The following FN3KRP variants were observed in gnomAD, a reference collection of about 807,000 sequenced individuals.
FN3KRP encodes the protein ketosamine-3-kinase.
A neutral mutation model predicts 29.8 loss-of-function variants in FN3KRP; 33 were observed. That is an observed-to-expected ratio of 1.11 (90% CI 0.84 to 1.48). FN3KRP has a LOEUF of 1.48. Ranked by LOEUF, FN3KRP falls within the 40% of genes most tolerant of loss-of-function variation. The probability of loss-of-function intolerance (pLI) is 0.00; values close to 1 mark genes in which losing one functional copy is unlikely to be tolerated. For synonymous variants in FN3KRP, 157 were observed against 155.2 expected (o/e 1.01, Z -0.09); for missense variants, 430 against 402.6 (o/e 1.07, Z -0.58).
chr17:82,724,747 G>C (rs2046824996), intron 4 of FN3KRP, among the ~76,000 whole-genome samples: 1 of 152,216 alleles, frequency 6.6e-6, no homozygotes, highest in Admixed American at 6.5e-5. Flanking sequence ...ATGGCACCCT[G>C]TGATGTGAGT....
In FN3KRP at chr17:82,716,744, C is replaced by G. The variant is rs749066225; in HGVS notation, c.-12C>G. The stretch of plus-strand genomic sequence containing the variant: ...GCCAGATCCGGGGCGGGTCCGCGGC[C>G]GCGGCGGGAACATGGAGGAGCTCCT... On this transcript the variant is annotated 5_prime_UTR_variant, in exon 1 of 6. Transcript: ENST00000269373. The G allele has an allele frequency of 1.6e-5, 23 of 1,482,642 alleles. 1 individual carries two copies. The highest frequency in any genetic ancestry group is 1.8e-5 in the Non-Finnish European group (20 of 1,122,398). The allele number at this position is 1,482,642 out of a possible 1,614,324, so 91.8% of individuals were successfully genotyped here. A position where few individuals can be genotyped will look rare whatever the true frequency, so the allele number is the denominator to read the frequency against.
chr17:82,724,387 C>T lies in FN3KRP; in HGVS notation c.468+1501C>T, dbSNP rs147387048. The stretch of plus-strand genomic sequence containing the variant: ...TTGGGAGGCCGAGGCGGGCAGATCA[C>T]GTGAGGTAGAGTTTGAGACCAGCCT... On this transcript the variant is annotated intron_variant, in intron 4 of 5. Coordinates refer to ENST00000269373, the MANE Select transcript of FN3KRP (RefSeq NM_024619.4). Among the ~76,000 whole-genome samples the T allele has an allele frequency of 4.5e-3, 686 of 151,884 alleles. 4 individuals are homozygous for T. Among genetic ancestry groups the T allele is most frequent in the Middle Eastern group, 6.8e-3 (2 of 292 alleles).
chr17:82,726,037 G>A (rs538865473), intron 4 of FN3KRP, among the ~76,000 whole-genome samples: 118 of 152,204 alleles, frequency 7.8e-4, no homozygotes, highest in African/African-American at 2.7e-3. Context: ...AAAATTAGCC[G>A]GGCGTGGTGG....
chr17:82,726,357 A>G, intron 4 of FN3KRP, 123 bp from the exon 5 acceptor site: 1 of 1,246,498 alleles, frequency 8.0e-7, no homozygotes, highest in Non-Finnish European at 1.1e-6. Context: ...GGCTCCTGTG[A>G]CTGCCACCCC....
chr17:82,723,791 C>T (rs1056923124), intron 4 of FN3KRP, among the ~76,000 whole-genome samples: 20 of 151,906 alleles, frequency 1.3e-4, no homozygotes, highest in African/African-American at 4.4e-4. Context: ...GCACCTGTGA[C>T]CTGGATGTCC....
chr17:82,724,062 G>A (rs2046820330), intron 4 of FN3KRP, among the ~76,000 whole-genome samples: 1 of 152,122 alleles, frequency 6.6e-6, no homozygotes, highest in Non-Finnish European at 1.5e-5. Flanking sequence ...GGAGGCCGAG[G>A]TGGGAGGATT....
rs773293010 is a variant in FN3KRP at position 82,716,755 on chromosome 17, C to G, written c.-1C>G. 2 of 1,503,752 alleles carry G rather than the reference C, an allele frequency of 1.3e-6. No homozygotes were observed. Among genetic ancestry groups the G allele is most frequent in the Non-Finnish European group, 1.8e-6 (2 of 1,134,206 alleles). The allele number at this position is 1,503,752 out of a possible 1,614,324, so 93.2% of individuals were successfully genotyped here. A position where few individuals can be genotyped will look rare whatever the true frequency, so the allele number is the denominator to read the frequency against. ...GGCGGGTCCGCGGCCGCGGCGGGAACATGGAGGAGCTCCTGAGGCGCGAGC... is the reference window on the plus strand; with the variant it reads ...GGCGGGTCCGCGGCCGCGGCGGGAAGATGGAGGAGCTCCTGAGGCGCGAGC... On this transcript the variant is annotated 5_prime_UTR_variant, in exon 1 of 6. Transcript: ENST00000269373.
In FN3KRP at chr17:82,718,982, C is replaced by G. The variant is rs2046779092; in HGVS notation, c.218C>G (p.Pro73Arg). 1.9e-6 allele frequency: 3 copies of G among 1,614,152 alleles called. No individual in the cohort carries two copies. The highest frequency in any genetic ancestry group is 2.5e-6 in the Non-Finnish European group (3 of 1,180,018). ...LKTNTVKVPK[P>R]IKVLDAPGGG... ...ACAAACACGGTGAAAGTGCCCAAGC[C>G]CATCAAGGTTCTGGATGCCCCAGGC... The change falls in exon 2 of 6, where the codon CCC becomes CGC. Residue 73 changes from proline to arginine, a missense_variant. Pro to Arg is a moderately radical substitution (Grantham distance 103). Transcript: ENST00000269373.
Position 82,726,898 on chromosome 17 carries a change from G to T in FN3KRP, c.657G>T (p.Trp219Cys). Residue 219 changes from tryptophan to cysteine, a missense_variant, in exon 6 of 6, where the codon TGG (tryptophan) becomes TGT (cysteine). Transcript: ENST00000269373. ...IIPALLHGDL[W>C]GGNVAEDSSG... ...CAGCCTTACTCCACGGGGACCTCTG[G>T]GGTGGAAACGTAGCAGAGGATTCCT... 6.3e-7 allele frequency: 1 copy of T among 1,599,114 alleles called. No individual in the cohort carries two copies.
chr17:82,723,154 T>C (rs1356473795), intron 4 of FN3KRP, among the ~76,000 whole-genome samples: 2 of 152,218 alleles, frequency 1.3e-5, no homozygotes, highest in African/African-American at 4.8e-5. Context: ...TTAGGTATAC[T>C]AAACTCTCAA....
rs549358450 is a variant in FN3KRP at position 82,725,482 on chromosome 17, C to T, written c.469-998C>T. 4.6e-5 allele frequency among the ~76,000 whole-genome samples: 7 copies of T among 152,070 alleles called. No individual in the cohort carries two copies. The East Asian group carries it at 9.7e-4, about 21-fold the overall frequency. On this transcript the variant is annotated intron_variant, in intron 4 of 5. Transcript: ENST00000269373. Reference sequence around the variant, plus strand: ...AATTTATTTTTTTGAAATGGAGTCTCGCTGTCACCCAGGCTAGAGTGCAGT... The same window carrying T: ...AATTTATTTTTTTGAAATGGAGTCTTGCTGTCACCCAGGCTAGAGTGCAGT...
In FN3KRP at chr17:82,716,780, C is replaced by G. The variant is rs1397944852; in HGVS notation, c.25C>G (p.Leu9Val). 2.0e-6 allele frequency: 3 copies of G among 1,533,816 alleles called. No homozygotes were observed. The highest frequency in any genetic ancestry group is 4.6e-5 in the Admixed American group (2 of 43,288). Reference protein sequence around the residue: MEELLRRELGCSSVRATGH... With the variant: MEELLRREVGCSSVRATGH... ...CATGGAGGAGCTCCTGAGGCGCGAG[C>G]TGGGCTGCAGCTCTGTCAGGGCCAC... Residue 9 changes from leucine (L) to valine (V), a missense_variant, in exon 1 of 6, where the codon CTG becomes GTG. Transcript: ENST00000269373.
At chr17:82,724,200 G>A (rs1444973046) in intron 4 of FN3KRP, among the ~76,000 whole-genome samples, 1 of 152,034 alleles carries the variant, frequency 6.6e-6, no homozygotes, top group African/African-American at 2.4e-5. Flanking sequence ...AGGCTGAGGT[G>A]GGAGGATTGC....
chr17:82,718,066 T>TTG (rs1253805562), intron 1 of FN3KRP, among the ~76,000 whole-genome samples: 2 of 138,652 alleles, frequency 1.4e-5, no homozygotes, highest in East Asian at 4.4e-4. Flanking sequence ...GCTGTGTATG[T>TTG]TGTGTGTGTG....
intron 3 of FN3KRP, among the ~76,000 whole-genome samples, chr17:82,722,355 G>T (rs955236547): frequency 6.6e-6 from 1 of 152,158 alleles, no homozygotes; most frequent in Admixed American, 6.5e-5. Context: ...GGCTGGTCTC[G>T]AACTGCTGAC....
intron 4 of FN3KRP, among the ~76,000 whole-genome samples, chr17:82,723,627 A>G (rs1421470598): frequency 1.3e-5 from 2 of 151,778 alleles, no homozygotes; most frequent in Non-Finnish European, 2.9e-5. Flanking sequence ...GCATATGTGT[A>G]TGTGTGCACA....
At chr17:82,723,487 T>G (rs2046812975) in intron 4 of FN3KRP, among the ~76,000 whole-genome samples, 2 of 150,542 alleles carry the variant, frequency 1.3e-5, no homozygotes, top group African/African-American at 4.9e-5. Flanking sequence ...GTCTCGTGGC[T>G]GTACTCACAG....
At chr17:82,719,139 C>A (rs1217542051) in intron 2 of FN3KRP, 82 bp downstream of exon 2, 36 of 1,263,510 alleles carry the variant, frequency 2.8e-5, no homozygotes, top group Non-Finnish European at 3.7e-5. Context: ...TGTGTGTCTT[C>A]ACACCACCCA....
At chr17:82,722,959 C>T (rs1192866948) in intron 4 of FN3KRP, 73 bp downstream of exon 4, 6 of 1,333,108 alleles carry the variant, frequency 4.5e-6, no homozygotes, top group Non-Finnish European at 6.3e-6. Flanking sequence ...GGGGACACAC[C>T]CCCCTCCTTT....
Sources: allele counts gnomAD v4.1 joint callset (sites outside exome capture counted in the v4.1 genomes callset), GRCh38; gene constraint gnomAD v4.1.1; transcripts MANE v1.5; gene names NCBI Gene and HGNC (gene_info 2026-07-23, HGNC 2026-07-21).